The following EPM2A variants were observed in gnomAD, a reference collection of about 807,000 sequenced individuals.
The protein encoded by EPM2A is laforin.
Under a neutral mutation model 26.5 loss-of-function variants are expected in EPM2A, and 21 were observed. The observed-to-expected ratio is 0.79, with a 90% CI of 0.56 to 1.14. The LOEUF (loss-of-function observed/expected upper bound fraction) is 1.14, where lower values mean the gene tolerates loss of function less well. EPM2A is among the 50% of genes most tolerant of loss of function. EPM2A has a pLI of 0.00. For missense variants in EPM2A, 458 were observed against 440.8 expected (o/e 1.04, Z -0.35); for synonymous variants, 217 against 177.6 (o/e 1.22, Z -1.76).
intron 1 of EPM2A, among the ~76,000 whole-genome samples, chr6:145,701,868 G>T (rs544162027): frequency 6.6e-6 from 1 of 152,176 alleles, no homozygotes; most frequent in Non-Finnish European, 1.5e-5. Flanking sequence ...AAAAGTAGAA[G>T]CATTTTAATG....
At position 145,682,106 on chromosome 6, in the gene EPM2A, C is replaced by T. The variant is rs553909707; in HGVS notation, c.476+4016G>A. On this transcript the variant is annotated intron_variant, in intron 2 of 3. Transcript: ENST00000367519. ...GTTTACAGGAAGGAGGTTTAATGGA[C>T]TCACAGTTCCACGTGGCTCGGGAGG... Among the ~76,000 whole-genome samples, 22 of 152,268 alleles carry T rather than the reference C, an allele frequency of 1.4e-4. No individual in the cohort carries two copies. In the East Asian group the frequency reaches 3.9e-3, roughly 27 times the overall value.
At chr6:145,490,632 A>G in intron 4 of EPM2A, 1 of 647,142 alleles carries the variant, frequency 1.5e-6, no homozygotes. Context: ...GATACCTTTC[A>G]TTGCATATTT....
intron 1 of EPM2A, among the ~76,000 whole-genome samples, chr6:145,708,565 C>T (rs1353327602): frequency 6.6e-6 from 1 of 152,144 alleles, no homozygotes; most frequent in Non-Finnish European, 1.5e-5. Flanking sequence ...TGGTGTTGAG[C>T]CTGTGGATGC....
intron 4 of EPM2A, among the ~76,000 whole-genome samples, chr6:145,474,624 C>A (rs1044235404): frequency 6.6e-6 from 1 of 152,060 alleles, no homozygotes; most frequent in Non-Finnish European, 1.5e-5. Flanking sequence ...CAAATGGGAT[C>A]TAATTAAACT....
chr6:145,433,265 T>A (rs1778944868), intron 4 of EPM2A, among the ~76,000 whole-genome samples: 2 of 152,236 alleles, frequency 1.3e-5, no homozygotes, highest in South Asian at 4.1e-4. Flanking sequence ...CATCTCAGAT[T>A]TAGACATGCC....
At chr6:145,398,068 A>C (rs1292361717) in intron 4 of EPM2A, among the ~76,000 whole-genome samples, 2 of 150,564 alleles carry the variant, frequency 1.3e-5, no homozygotes, top group East Asian at 3.9e-4. Flanking sequence ...TCTATTTTCT[A>C]ATTGTTTTAA....
At chr6:145,421,780 TA>T (rs1246139905) in intron 4 of EPM2A, among the ~76,000 whole-genome samples, 2 of 151,586 alleles carry the variant, frequency 1.3e-5, no homozygotes, top group Non-Finnish European at 3.0e-5. Context: ...TATTTTAAGT[TA>T]AAAAAACAGG....
intron 1 of EPM2A, among the ~76,000 whole-genome samples, chr6:145,711,978 A>C (rs566761018): frequency 6.6e-6 from 1 of 152,300 alleles, no homozygotes; most frequent in Admixed American, 6.5e-5. Flanking sequence ...AAGAAGAATA[A>C]GGCATCAGTT....
chr6:145,497,132 A>G (rs1779831898), downstream of EPM2A, among the ~76,000 whole-genome samples: 1 of 152,172 alleles, frequency 6.6e-6, no homozygotes. Context: ...TGAAGGAAAG[A>G]GCACTCTGGC....
chr6:145,683,791 A>C, intron 2 of EPM2A, among the ~76,000 whole-genome samples: 1 of 152,128 alleles, frequency 6.6e-6, no homozygotes. Context: ...GGATCTGCCC[A>C]CCTGAGCACA....
chr6:145,566,027 A>G (rs1250204917), intron 2 of EPM2A, among the ~76,000 whole-genome samples: 1 of 152,170 alleles, frequency 6.6e-6, no homozygotes, highest in Non-Finnish European at 1.5e-5. Flanking sequence ...AAATGAATGA[A>G]TGAATGAATG....
intron 4 of EPM2A, among the ~76,000 whole-genome samples, chr6:145,480,923 T>C (rs1472169932): frequency 1.3e-5 from 2 of 152,118 alleles, no homozygotes; most frequent in East Asian, 3.8e-4. Context: ...GAGCTCATAA[T>C]TGGATATTTT....
intron 4 of EPM2A, among the ~76,000 whole-genome samples, chr6:145,474,307 C>T (rs12199971): frequency 0.067 from 10,214 of 151,798 alleles, 458 homozygotes; most frequent in South Asian, 0.12. Flanking sequence ...ACTAAAAATA[C>T]AAAAATTAGC....
chr6:145,408,132 A>G (rs997879168), intron 4 of EPM2A, among the ~76,000 whole-genome samples: 3 of 152,088 alleles, frequency 2.0e-5, no homozygotes, highest in Admixed American at 2.0e-4. Context: ...GTCCTTTGGA[A>G]TATATCTCTT....
intron 4 of EPM2A, among the ~76,000 whole-genome samples, chr6:145,394,463 C>T (rs9403697): frequency 0.38 from 57,498 of 151,900 alleles, 11,098 homozygotes; most frequent in South Asian, 0.46. Context: ...AACCTCTACC[C>T]AATATAAGAC....
intron 1 of EPM2A, among the ~76,000 whole-genome samples, chr6:145,714,301 C>A (rs114081813): frequency 6.6e-6 from 1 of 152,184 alleles, no homozygotes; most frequent in Non-Finnish European, 1.5e-5. Context: ...CACACATCCT[C>A]CTGTATGCAG....
chr6:145,581,013 T>C (rs1217319485), intron 2 of EPM2A, among the ~76,000 whole-genome samples: 1 of 152,244 alleles, frequency 6.6e-6, no homozygotes, highest in African/African-American at 2.4e-5. Context: ...GAATGATTTA[T>C]ATTCCTTTGG....
chr6:145,522,730 A>G (rs446242), intron 2 of EPM2A, among the ~76,000 whole-genome samples: 68,412 of 151,972 alleles, frequency 0.45, 15,445 homozygotes, highest in South Asian at 0.58. Flanking sequence ...TTAGTGAAAC[A>G]GAATAGCTGC....
chr6:145,732,056 TTCTC>T (rs1373134786), intron 1 of EPM2A, among the ~76,000 whole-genome samples: 1 of 152,194 alleles, frequency 6.6e-6, no homozygotes, highest in East Asian at 1.9e-4. Flanking sequence ...CTCAGATATT[TTCTC>T]TCTGATTTTA....
Sources: gnomAD v4.1 joint callset for allele counts (sites outside exome capture counted in the v4.1 genomes callset) on GRCh38, gnomAD v4.1.1 for gene constraint, MANE v1.5 for transcripts, NCBI Gene and HGNC (gene_info 2026-07-23, HGNC 2026-07-21) for gene names.